PCLO: variants seen among roughly 807,000 people sequenced by gnomAD.
The protein encoded by PCLO is protein piccolo.
A neutral mutation model predicts 427.5 loss-of-function variants in PCLO; 82 were observed. That is an observed-to-expected ratio of 0.19 (90% CI 0.16 to 0.23). PCLO has a LOEUF of 0.23. Ranked by LOEUF, PCLO falls within the 10% of genes least tolerant of loss-of-function variation. The probability of loss-of-function intolerance (pLI) is 1.00; values close to 1 mark genes in which losing one functional copy is unlikely to be tolerated. For missense variants in PCLO, 6,239 were observed against 6,115.9 expected, an observed-to-expected ratio of 1.02 and a Z score of -0.67; for synonymous variants, 2,357 against 2,155.4, an observed-to-expected ratio of 1.09 and a Z score of -2.59.
chr7:83,157,837 C>G (rs1313955566), intron 1 of PCLO, among the ~76,000 whole-genome samples: 12 of 151,808 alleles, frequency 7.9e-5, no homozygotes, highest in Admixed American at 7.9e-4. Flanking sequence ...AAGAAAGTAA[C>G]TTAGTAGCAC....
At chr7:82,966,666 T>G (rs1228659809) in intron 3 of PCLO, among the ~76,000 whole-genome samples, 179 bp from the exon 4 acceptor site, 1 of 152,192 alleles carries the variant, frequency 6.6e-6, no homozygotes, top group Non-Finnish European at 1.5e-5. Context: ...AAAAAGGCTA[T>G]TTGAACTGTA....
chr7:83,074,703 T>C (rs1369672152), intron 3 of PCLO, among the ~76,000 whole-genome samples: 1 of 152,090 alleles, frequency 6.6e-6, no homozygotes, highest in Non-Finnish European at 1.5e-5. Flanking sequence ...ATAAAATAAC[T>C]AACAAAAGGT....
intron 3 of PCLO, among the ~76,000 whole-genome samples, chr7:83,044,263 T>G (rs983618314): frequency 2.6e-5 from 4 of 152,022 alleles, no homozygotes; most frequent in African/African-American, 9.7e-5. Context: ...GGTCCTTCCC[T>G]CCACACATGG....
Position 82,914,324 on chromosome 7 carries a change from A to G in PCLO, c.13300+362T>C. 8.5e-6 allele frequency: 4 copies of G among 468,022 alleles called. No homozygotes were observed. The South Asian group carries it at 1.9e-4, about 22-fold the overall frequency. 29.0% of individuals were successfully genotyped at this position (468,022 alleles called of 1,614,324 possible). On this transcript the variant is annotated intron_variant, in intron 7 of 24. Transcript: ENST00000333891. ...GAAACTGACCAATAACTTTTAAAAT[A>G]TATTTTTAAAAATGAAAGAAACTTA...
chr7:82,966,851 T>C (rs1159482585), intron 3 of PCLO, among the ~76,000 whole-genome samples: 1 of 152,204 alleles, frequency 6.6e-6, no homozygotes, highest in Non-Finnish European at 1.5e-5. Flanking sequence ...TCAAAATTAG[T>C]ATTTTCATCC....
chr7:82,815,633 T>A (rs933325956), intron 20 of PCLO, among the ~76,000 whole-genome samples: 1 of 152,080 alleles, frequency 6.6e-6, no homozygotes, highest in Admixed American at 6.6e-5. Flanking sequence ...ATGGTAGAAA[T>A]TATATTTCTC....
intron 8 of PCLO, among the ~76,000 whole-genome samples, chr7:82,907,233 GTTAA>G (rs1482794738): frequency 6.6e-6 from 1 of 151,900 alleles, no homozygotes; most frequent in Non-Finnish European, 1.5e-5. Context: ...ATTCCTGCTT[GTTAA>G]TTACTAAACA....
chr7:82,962,955 T>G lies in PCLO; in HGVS notation c.4017+2816A>C, dbSNP rs577404145. ...ACACAGATATTTACTGTTTACCTCA[T>G]GGAAAATTAGTTAAAAAGCTGCAGA... On this transcript the variant is annotated intron_variant, in intron 4 of 24. Transcript: ENST00000333891. Among the ~76,000 whole-genome samples, 21 of 152,110 alleles carry G rather than the reference T, an allele frequency of 1.4e-4. No homozygotes were observed. The South Asian group carries it at 4.1e-3, about 30-fold the overall frequency.
chr7:82,780,203 A>G (rs948433267), intron 22 of PCLO, among the ~76,000 whole-genome samples: 4 of 152,176 alleles, frequency 2.6e-5, no homozygotes, highest in Admixed American at 2.0e-4. Flanking sequence ...TTGTCCATAT[A>G]TGGGCAGTAC....
chr7:83,076,238 A>C (rs1789948350), intron 3 of PCLO, among the ~76,000 whole-genome samples: 1 of 151,904 alleles, frequency 6.6e-6, no homozygotes, highest in African/African-American at 2.4e-5. Context: ...TTTCAACAAA[A>C]GAATCTTTCA....
chr7:82,925,664 T>A (rs1794695395), intron 6 of PCLO, among the ~76,000 whole-genome samples: 1 of 151,666 alleles, frequency 6.6e-6, no homozygotes, highest in Non-Finnish European at 1.5e-5. Context: ...TTTGGCTCTT[T>A]GGAGATAAAA....
intron 1 of PCLO, among the ~76,000 whole-genome samples, chr7:83,160,893 T>C (rs1260736922): frequency 6.6e-6 from 1 of 152,186 alleles, no homozygotes; most frequent in African/African-American, 2.4e-5. Flanking sequence ...CTTGTTATTA[T>C]CCTGTGAAAG....
chr7:82,884,612 A>G (rs1430043970), intron 9 of PCLO, among the ~76,000 whole-genome samples: 2 of 152,204 alleles, frequency 1.3e-5, no homozygotes, highest in African/African-American at 4.8e-5. Flanking sequence ...GGTTTGCCGG[A>G]TACTTCTATA....
At chr7:82,773,812 C>T (rs1790694374) in intron 22 of PCLO, among the ~76,000 whole-genome samples, 1 of 152,046 alleles carries the variant, frequency 6.6e-6, no homozygotes, top group African/African-American at 2.4e-5. Context: ...AACTTCATCA[C>T]CTGGGTTTCC....
intron 3 of PCLO, among the ~76,000 whole-genome samples, chr7:83,087,616 G>T (rs560891044): frequency 6.6e-5 from 10 of 151,562 alleles, no homozygotes; most frequent in African/African-American, 2.4e-4. Context: ...TTTAATAATG[G>T]GTGAATTTTA....
intron 10 of PCLO, among the ~76,000 whole-genome samples, chr7:82,849,585 T>A (rs1792595681): frequency 6.6e-6 from 1 of 152,196 alleles, no homozygotes; most frequent in Non-Finnish European, 1.5e-5. Context: ...TAATGAATGA[T>A]ATACAGGTAT....
intron 3 of PCLO, among the ~76,000 whole-genome samples, chr7:83,034,656 G>A (rs1788752135): frequency 1.3e-5 from 2 of 152,178 alleles, no homozygotes; most frequent in African/African-American, 4.8e-5. Flanking sequence ...CTAATCTTGT[G>A]CACATGCTGT....
chr7:82,868,086 A>C (rs1793141344), intron 10 of PCLO: 1 of 455,530 alleles, frequency 2.2e-6, no homozygotes, highest in South Asian at 1.6e-5. Context: ...GAGAAATCTC[A>C]TGCTAATGAC....
Position 82,952,469 on chromosome 7 carries a change from T to G in PCLO, c.8484A>C (p.Thr2828=), listed in dbSNP as rs1451571077. Residue 2828 remains threonine (T), a synonymous_variant, in exon 5 of 25, where the codon ACA becomes ACC. Transcript: ENST00000333891. ...TGTATGGGGGCTCAGCATGCTTTGA[T>G]GTTGTAAGTTGGAGTGGTGTTGTCA... ...HAMTTPLQLT[T]SKHAEPPYRI... 6.2e-7 allele frequency: 1 copy of G among 1,613,784 alleles called. No homozygotes were observed. Among genetic ancestry groups the G allele is most frequent in the African/African-American group, 1.3e-5 (1 of 74,918 alleles).
Sources: allele counts gnomAD v4.1 joint callset (sites outside exome capture counted in the v4.1 genomes callset), GRCh38; gene constraint gnomAD v4.1.1; transcripts MANE v1.5; gene names NCBI Gene and HGNC (gene_info 2026-07-23, HGNC 2026-07-21).